The following PTPRT variants were observed in gnomAD, a reference collection of about 807,000 sequenced individuals.
PTPRT encodes the protein protein tyrosine phosphatase receptor type T.
Under a neutral mutation model 176.8 loss-of-function variants are expected in PTPRT, and 56 were observed. That is an observed-to-expected ratio of 0.32 (90% confidence interval 0.26 to 0.40). The LOEUF is 0.40. Ranked by LOEUF, PTPRT falls within the 10% of genes least tolerant of loss-of-function variation. The pLI is 1.00. For synonymous variants in PTPRT, 783 were observed against 739.0 expected, an observed-to-expected ratio of 1.06 and a Z score of -0.96; for missense variants, 1,540 against 1,908.2, an observed-to-expected ratio of 0.81 and a Z score of 3.60.
chr20:42,602,662 C>T (rs1006944759), intron 7 of PTPRT, among the ~76,000 whole-genome samples: 4 of 152,052 alleles, frequency 2.6e-5, no homozygotes, highest in African/African-American at 9.7e-5. Flanking sequence ...AATACTCTTA[C>T]CACTATGTTC....
chr20:42,787,335 C>T (rs185958998), intron 3 of PTPRT, among the ~76,000 whole-genome samples: 1 of 152,230 alleles, frequency 6.6e-6, no homozygotes, highest in East Asian at 1.9e-4. Flanking sequence ...GATGTAGGGC[C>T]ACCTGTCTGC....
chr20:43,052,947 T>C (rs1022205982), intron 1 of PTPRT, among the ~76,000 whole-genome samples: 2 of 151,994 alleles, frequency 1.3e-5, no homozygotes, highest in East Asian at 3.9e-4. Flanking sequence ...GATGTGAAAA[T>C]GTAAAGATGT....
intron 23 of PTPRT, among the ~76,000 whole-genome samples, chr20:42,109,405 A>ATACT (rs1381379057): frequency 1.3e-5 from 2 of 152,286 alleles, no homozygotes; most frequent in East Asian, 1.9e-4. Flanking sequence ...CCTTGACAGG[A>ATACT]TACTTCATCT....
At chr20:42,263,785 A>G (rs1031454077) in intron 13 of PTPRT, among the ~76,000 whole-genome samples, 1 of 151,602 alleles carries the variant, frequency 6.6e-6, no homozygotes, top group African/African-American at 2.4e-5. Context: ...CAGCCTCCCA[A>G]AGTGCTGGGA....
intron 13 of PTPRT, among the ~76,000 whole-genome samples, chr20:42,272,862 T>C (rs1005302763): frequency 8.5e-5 from 13 of 152,210 alleles, no homozygotes; most frequent in Admixed American, 4.6e-4. Context: ...TTCAGTGGCA[T>C]GCTCTCTTGC....
chr20:42,598,424 G>C (rs1278141938), intron 7 of PTPRT, among the ~76,000 whole-genome samples: 1 of 152,060 alleles, frequency 6.6e-6, no homozygotes, highest in African/African-American at 2.4e-5. Context: ...AAATGCGAGA[G>C]TATTGGTTTG....
intron 9 of PTPRT, among the ~76,000 whole-genome samples, chr20:42,361,391 G>T (rs557956593): frequency 6.6e-5 from 10 of 152,282 alleles, no homozygotes; most frequent in African/African-American, 2.4e-4. Flanking sequence ...TTCATTAAAA[G>T]GTGGTGTTTA....
At chr20:42,782,428 C>A (rs6513814) in intron 3 of PTPRT, among the ~76,000 whole-genome samples, 6 of 152,266 alleles carry the variant, frequency 3.9e-5, no homozygotes, top group African/African-American at 1.4e-4. Flanking sequence ...TGACGTGAAT[C>A]CAACAGATCT....
intron 2 of PTPRT, among the ~76,000 whole-genome samples, chr20:42,838,830 G>T (rs113940426): frequency 6.6e-6 from 1 of 151,972 alleles, no homozygotes; most frequent in African/African-American, 2.4e-5. Flanking sequence ...TTGGCTGCCC[G>T]CCCAGCCGTG....
At chr20:42,402,323 A>T (rs1232157016) in intron 9 of PTPRT, among the ~76,000 whole-genome samples, 1 of 152,070 alleles carries the variant, frequency 6.6e-6, no homozygotes, top group Non-Finnish European at 1.5e-5. Context: ...ATTTGTAACC[A>T]ACCAAGCCTG....
intron 1 of PTPRT, among the ~76,000 whole-genome samples, chr20:43,135,811 G>C (rs1340001529): frequency 3.3e-5 from 5 of 152,104 alleles, no homozygotes; most frequent in African/African-American, 4.8e-5. Context: ...GGCGGTGGGG[G>C]GCTTTCGTCT....
chr20:42,150,351 A>G (rs1316948920), intron 17 of PTPRT, among the ~76,000 whole-genome samples: 2 of 152,060 alleles, frequency 1.3e-5, no homozygotes, highest in South Asian at 2.1e-4. Flanking sequence ...AGATAATTGG[A>G]TATGTTATGC....
At chr20:43,037,726 A>G (rs1180269952) in intron 1 of PTPRT, among the ~76,000 whole-genome samples, 4 of 152,062 alleles carry the variant, frequency 2.6e-5, no homozygotes, top group African/African-American at 9.7e-5. Flanking sequence ...CTTCCACATA[A>G]CCCTCATTGG....
chr20:43,154,088 T>C (rs907722476), intron 1 of PTPRT, among the ~76,000 whole-genome samples: 2 of 152,254 alleles, frequency 1.3e-5, no homozygotes, highest in African/African-American at 4.8e-5. Context: ...GAGGTATTCC[T>C]GAAAACTGCT....
chr20:42,045,051 C>T, the PTPRT span, among the ~76,000 whole-genome samples: 6 of 152,222 alleles, frequency 3.9e-5, no homozygotes, highest in African/African-American at 1.2e-4. Flanking sequence ...TTTGAAGATG[C>T]TTTTGACTAT....
chr20:42,651,963 G>C (rs1437534609), intron 7 of PTPRT, among the ~76,000 whole-genome samples: 4 of 151,934 alleles, frequency 2.6e-5, no homozygotes, highest in East Asian at 1.9e-4. Context: ...CATGAGAATT[G>C]CTTGAACCCG....
intron 7 of PTPRT, among the ~76,000 whole-genome samples, chr20:42,635,600 T>C (rs2074578955): frequency 6.6e-6 from 1 of 152,182 alleles, no homozygotes; most frequent in Admixed American, 6.5e-5. Flanking sequence ...GTCACAGATA[T>C]GTGTAGTAAT....
chr20:43,185,882 A>G (rs6130306), intron 1 of PTPRT, among the ~76,000 whole-genome samples: 1 of 152,258 alleles, frequency 6.6e-6, no homozygotes, highest in East Asian at 1.9e-4. Context: ...CGGTGAGCCA[A>G]GACTGCACCA....
At chr20:42,701,566 G>C (rs570910660) in intron 6 of PTPRT, among the ~76,000 whole-genome samples, 31 of 152,270 alleles carry the variant, frequency 2.0e-4, no homozygotes, top group African/African-American at 7.0e-4. Flanking sequence ...AGGGACAAGT[G>C]GACCTGGGGT....
Sources: gnomAD v4.1 joint callset for allele counts (sites outside exome capture counted in the v4.1 genomes callset) on GRCh38, gnomAD v4.1.1 for gene constraint, MANE v1.5 for transcripts, NCBI Gene and HGNC (gene_info 2026-07-23, HGNC 2026-07-21) for gene names.